Variants in DNAI2 observed in about 807,000 individuals in gnomAD.
DNAI2 encodes the protein dynein axonemal intermediate chain 2, also known as dynein, axonemal, intermediate polypeptide 2.
Under a neutral mutation model 74.7 loss-of-function variants are expected in DNAI2, and 63 were observed. The observed-to-expected ratio is 0.84, with a 90% CI of 0.69 to 1.04. The LOEUF (loss-of-function observed/expected upper bound fraction) is 1.04. Ranked by LOEUF, DNAI2 falls within the 50% of genes least tolerant of loss-of-function variation. DNAI2 has a pLI of 0.00. For synonymous variants in DNAI2, 289 were observed against 314.9 expected (o/e 0.92, Z 0.87); for missense variants, 688 against 803.2 (o/e 0.86, Z 1.73).
Position 74,305,460 on chromosome 17 carries a change from GGACAGGAGGGGATGCAGGA to G in DNAI2, c.1211+33_1211+51del, listed in dbSNP as rs781733104. On this transcript the variant is annotated intron_variant, in intron 9 of 13. Transcript: ENST00000311014. Reference sequence around the variant, plus strand: ...TGGACCAAGTAAGAGGCGATGCTGGGGACAGGAGGGGATGCAGGAGACAGGAGGGGATGGAGGGAGCCCA... The same window carrying G: ...TGGACCAAGTAAGAGGCGATGCTGGGGACAGGAGGGGATGGAGGGAGCCCA... 3 of 1,610,530 alleles carry G rather than the reference GGACAGGAGGGGATGCAGGA, an allele frequency of 1.9e-6. No individual in the cohort carries two copies. The highest frequency in any genetic ancestry group is 2.5e-6 in the Non-Finnish European group (3 of 1,177,578).
Position 74,291,151 on chromosome 17 carries a change from CT to C in DNAI2, c.724+24del, listed in dbSNP as rs771046755. 5 of 1,550,746 alleles carry C rather than the reference CT, an allele frequency of 3.2e-6. No individual in the cohort carries two copies. In the African/African-American group the frequency reaches 4.1e-5, roughly 13 times the overall value. On this transcript the variant is annotated intron_variant, in intron 6 of 13. Transcript: ENST00000311014. ...ACAGATAGGTAAGGAGGGACCTAGGCTTTTTTATTTTTATTTTTATTTTTTT... is the reference window on the plus strand; with the variant it reads ...ACAGATAGGTAAGGAGGGACCTAGGCTTTTTATTTTTATTTTTATTTTTTT...
intron 4 of DNAI2, among the ~76,000 whole-genome samples, chr17:74,287,379 C>A (rs545196802): frequency 6.6e-6 from 1 of 152,198 alleles, no homozygotes; most frequent in Non-Finnish European, 1.5e-5. Flanking sequence ...AGTACAAGTA[C>A]CAAGCATGAG....
At chr17:74,305,878 G>A (rs2053163872) in intron 9 of DNAI2, among the ~76,000 whole-genome samples, 1 of 151,934 alleles carries the variant, frequency 6.6e-6, no homozygotes, top group Admixed American at 6.6e-5. Flanking sequence ...TGCCACGTTG[G>A]CCAGGCTGGT....
At chr17:74,305,150 G>T (rs908133867) in intron 8 of DNAI2, 69 bp from the exon 9 acceptor site, 13 of 1,550,208 alleles carry the variant, frequency 8.4e-6, no homozygotes, top group Non-Finnish European at 1.1e-5. Context: ...GCAAGCTCCT[G>T]TCCATGCCCG....
In DNAI2 at chr17:74,300,949, G is replaced by T. The variant is rs2052725114; in HGVS notation, c.865-97G>T. 6.4e-7 allele frequency: 1 copy of T among 1,565,732 alleles called. No homozygotes were observed. The highest frequency in any genetic ancestry group is 2.3e-5 in the East Asian group (1 of 43,914). On this transcript the variant is annotated intron_variant, in intron 7 of 13. Coordinates refer to ENST00000311014, the MANE Select transcript of DNAI2 (RefSeq NM_023036.6). This position sits in a 1 kb window ranked among gnomAD's most constrained non-coding sequence, Gnocchi z 4.5. ...CGGGAGCTCCATCCTTTGTGGCCCA[G>T]TGGCTGACCCCAGGACGGTGGGGTG...
chr17:74,284,812 GC>G (rs1160052104), intron 2 of DNAI2, among the ~76,000 whole-genome samples: 6 of 152,202 alleles, frequency 3.9e-5, no homozygotes, highest in Admixed American at 6.5e-5. Context: ...CATGACCACA[GC>G]TACCAGTTGC....
In DNAI2 at chr17:74,305,006, C is replaced by T. The variant is rs75037789; in HGVS notation, c.988-213C>T. 6.5e-3 allele frequency among the ~76,000 whole-genome samples: 985 copies of T among 152,312 alleles called. 13 individuals carry two copies. The highest frequency in any genetic ancestry group is 0.022 in the African/African-American group (925 of 41,568). On this transcript the variant is annotated intron_variant, in intron 8 of 13. Transcript: ENST00000311014. ...GAGCCAGGGAGGGCTTCATTCAGCACAGGCTCCTTGAGCAGCTTCCAAAAA... is the reference window on the plus strand; with the variant it reads ...GAGCCAGGGAGGGCTTCATTCAGCATAGGCTCCTTGAGCAGCTTCCAAAAA...
rs2144077545 is a variant in DNAI2, at chr17:74,305,431, C to T, written c.1200C>T (p.Ile400=). 1 of 1,614,012 alleles carries T rather than the reference C, an allele frequency of 6.2e-7. No individual in the cohort carries two copies. Among genetic ancestry groups the T allele is most frequent in the Non-Finnish European group, 8.5e-7 (1 of 1,179,968 alleles). ...IWSEDSRESS[I]MWTKYHMAYL... is the part of the protein sequence containing the mutation. ...CTGAAGACAGCCGGGAATCGTCCAT[C>T]ATGTGGACCAAGTAAGAGGCGATGC... The change falls in exon 9 of 14, where the codon ATC becomes ATT. Residue 400 remains isoleucine (I), a synonymous_variant. Transcript: ENST00000311014.
rs2052059556 is a variant in DNAI2 at position 74,291,030 on chromosome 17, C to A, written c.621C>A (p.Asn207Lys). The change falls in exon 6 of 14, where the codon AAC becomes AAA. Residue 207 changes from asparagine to lysine, a missense_variant. Physicochemically the swap from Asn to Lys is moderately conservative, Grantham distance 94. Coordinates refer to ENST00000311014, the MANE Select transcript of DNAI2 (RefSeq NM_023036.6). ...TTTTGTGCTTTATAGAAAACCCCAA[C>A]AAGCCTGAACTTGCTCTGAAGCCAT... ...DSYIWDLENP[N>K]KPELALKPSS... 4 of 1,614,054 alleles carry A rather than the reference C, an allele frequency of 2.5e-6. No homozygotes were observed. Among genetic ancestry groups the A allele is most frequent in the Non-Finnish European group, 3.4e-6 (4 of 1,180,022 alleles).
At chr17:74,313,873 C>T (rs766512138) in intron 12 of DNAI2, 185 of 524,590 alleles carry the variant, frequency 3.5e-4, no homozygotes, top group Admixed American at 5.0e-4. Flanking sequence ...TAGCCCGAGG[C>T]CTCCCAGTCT....
At chr17:74,281,302 ATGCTGGAG>A (rs1489793177) in intron 1 of DNAI2, among the ~76,000 whole-genome samples, 1 of 151,866 alleles carries the variant, frequency 6.6e-6, no homozygotes, top group Admixed American at 6.6e-5. Context: ...TCTGTCACCC[ATGCTGGAG>A]TGCAATGGTG....
In DNAI2 at chr17:74,314,285, C is replaced by T; in HGVS notation, c.*55+14C>T. 6.2e-7 allele frequency: 1 copy of T among 1,608,604 alleles called. No homozygotes were observed. The highest frequency in any genetic ancestry group is 8.5e-7 in the Non-Finnish European group (1 of 1,176,690). On this transcript the variant is annotated intron_variant, in intron 13 of 13. Transcript: ENST00000311014. Reference sequence around the variant, plus strand: ...TCCCACCTCTTGGTATTGCCCCGCTCTCACAAGTGGGAGGCTGAGCTCCGC... The same window carrying T: ...TCCCACCTCTTGGTATTGCCCCGCTTTCACAAGTGGGAGGCTGAGCTCCGC...
At chr17:74,286,904 A>C in intron 3 of DNAI2, 73 bp from the exon 4 acceptor site, 1 of 1,599,040 alleles carries the variant, frequency 6.3e-7, no homozygotes, top group South Asian at 1.1e-5. Flanking sequence ...TCCCTCCCAG[A>C]CTCCATTGCA....
At position 74,307,973 on chromosome 17, in the gene DNAI2, T is replaced by G. The variant is rs138643456; in HGVS notation, c.1212-1280T>G. The stretch of plus-strand genomic sequence containing the variant: ...CCAACACCCCTGGATAATTTTTTTA[T>G]TTTTAGTAGAGGCAGGGTTCTGCCA... On this transcript the variant is annotated intron_variant, in intron 9 of 13. Coordinates refer to ENST00000311014, the MANE Select transcript of DNAI2 (RefSeq NM_023036.6). Among the ~76,000 whole-genome samples, 93 of 152,128 alleles carry G rather than the reference T, an allele frequency of 6.1e-4. No individual in the cohort carries two copies. In the East Asian group the frequency reaches 0.016, roughly 27 times the overall value.
rs543524124 is a variant in DNAI2, at chr17:74,284,194, T to TGG, written c.184-844_184-843dup. Among the ~76,000 whole-genome samples the TGG allele has an allele frequency of 9.7e-4, 140 of 143,852 alleles. 1 individual carries two copies. Among genetic ancestry groups the TGG allele is most frequent in the African/African-American group, 3.4e-3 (132 of 38,732 alleles). 94.4% of individuals were successfully genotyped at this position (143,852 alleles called of 152,430 possible). A position where few individuals can be genotyped will look rare whatever the true frequency, so the allele number is the denominator to read the frequency against. On this transcript the variant is annotated intron_variant, in intron 2 of 13. Coordinates refer to ENST00000311014, the MANE Select transcript of DNAI2 (RefSeq NM_023036.6). Reference sequence around the variant, plus strand: ...AAGATCATGCCACTGCACTCCAGCCTGGGCAACAGAGTGAGAGACCCTCTC... The same window carrying TGG: ...AAGATCATGCCACTGCACTCCAGCCTGGGGGCAACAGAGTGAGAGACCCTCTC...
rs775577400 is a variant in DNAI2, at chr17:74,311,978, GC to G, written c.1495-24del. 2.8e-5 allele frequency: 45 copies of G among 1,609,840 alleles called. No individual in the cohort carries two copies. The Admixed American group carries it at 7.5e-4, about 27-fold the overall frequency. On this transcript the variant is annotated intron_variant, in intron 11 of 13. Transcript: ENST00000311014. ...TGCCATCCTGCCCTCTCCCCACCGGGCTCTCTCTGTCCCTGGGTGCCCAGAT... is the reference window on the plus strand; with the variant it reads ...TGCCATCCTGCCCTCTCCCCACCGGGTCTCTCTGTCCCTGGGTGCCCAGAT...
At chr17:74,279,323 A>G (rs1237283971) in intron 1 of DNAI2, among the ~76,000 whole-genome samples, 2 of 152,204 alleles carry the variant, frequency 1.3e-5, no homozygotes, top group Non-Finnish European at 2.9e-5. Context: ...AAAATAGCTG[A>G]AAGAGTATAA....
intron 10 of DNAI2, 58 bp downstream of exon 10, chr17:74,309,446 G>T (rs780946546): frequency 1.9e-6 from 3 of 1,611,738 alleles, no homozygotes; most frequent in Non-Finnish European, 2.5e-6. Context: ...GTCCCGGCGT[G>T]GGTGTGAGTG....
At position 74,300,861 on chromosome 17, in the gene DNAI2, G is replaced by T. The variant is rs2052719283; in HGVS notation, c.865-185G>T. On this transcript the variant is annotated intron_variant, in intron 7 of 13. Transcript: ENST00000311014. This position sits in a 1 kb window ranked among gnomAD's most constrained non-coding sequence, Gnocchi z 4.5. ...AGCTTGCCGGCGACTCTGATGATCA[G>T]CCAGGTGTGGGAACTGTGGACAGAA... Among the ~76,000 whole-genome samples the T allele has an allele frequency of 6.6e-6, 1 of 152,238 alleles. No homozygotes were observed. The highest frequency in any genetic ancestry group is 1.5e-5 in the Non-Finnish European group (1 of 68,046).
Sources: allele counts gnomAD v4.1 joint callset (sites outside exome capture counted in the v4.1 genomes callset), GRCh38; gene constraint gnomAD v4.1.1; non-coding constraint Gnocchi (gnomAD v3.1); transcripts MANE v1.5; gene names NCBI Gene and HGNC (gene_info 2026-07-23, HGNC 2026-07-21).